SYCP2L: variants seen among roughly 807,000 people sequenced by gnomAD.
The protein encoded by SYCP2L is synaptonemal complex protein 2-like.
Under a neutral mutation model 125.8 loss-of-function variants are expected in SYCP2L, and 98 were observed. That is an observed-to-expected ratio of 0.78 (90% CI 0.66 to 0.92). The LOEUF (loss-of-function observed/expected upper bound fraction) is 0.92, where lower values mean the gene tolerates loss of function less well. Among genes scored for constraint, SYCP2L ranks in the 40% least tolerant of loss-of-function variants. The pLI is 0.00. For synonymous variants in SYCP2L, 317 were observed against 325.4 expected (o/e 0.97, Z 0.28); for missense variants, 842 against 936.4 (o/e 0.90, Z 1.32).
intron 21 of SYCP2L, among the ~76,000 whole-genome samples, chr6:10,936,986 TAA>T (rs1172207333): frequency 1.3e-5 from 2 of 152,150 alleles, no homozygotes; most frequent in Non-Finnish European, 2.9e-5. Context: ...AGCAATACAA[TAA>T]AAGAGTTCTT....
intron 17 of SYCP2L, among the ~76,000 whole-genome samples, chr6:10,928,009 TA>T (rs1174252489): frequency 1.3e-5 from 2 of 152,210 alleles, no homozygotes; most frequent in East Asian, 3.8e-4. Context: ...GGTCAGAGTT[TA>T]AGGTTATCTC....
At position 10,912,756 on chromosome 6, in the gene SYCP2L, C is replaced by G. The variant is rs761670676; in HGVS notation, c.1002C>G (p.Asp334Glu). 1.2e-6 allele frequency: 2 copies of G among 1,613,270 alleles called. No homozygotes were observed. Among genetic ancestry groups the G allele is most frequent in the Non-Finnish European group, 1.7e-6 (2 of 1,179,478 alleles). The change falls in exon 13 of 30, where the codon GAC (aspartate) becomes GAG (glutamate). Residue 334 changes from aspartate (D) to glutamate (E), a missense_variant. Coordinates refer to ENST00000283141, the MANE Select transcript of SYCP2L (RefSeq NM_001040274.3). This position sits in a 1 kb window ranked among gnomAD's most constrained non-coding sequence, Gnocchi z 4.1. Reference protein sequence around the residue: ...LGSQSVTFYIDNAENTLWDSV... With the variant: ...LGSQSVTFYIENAENTLWDSV... ...GTCAGAGTGTCACTTTTTATATAGA[C>G]AATGCTGAGGTAATGATGTTCGATT...
At chr6:10,926,198 C>A in intron 15 of SYCP2L, 141 bp from the exon 16 acceptor site, 1 of 636,784 alleles carries the variant, frequency 1.6e-6, no homozygotes, top group Non-Finnish European at 2.7e-6. Context: ...GTGGAATGAT[C>A]CTTCAGGAGA....
chr6:10,908,579 T>A (rs946248225), intron 10 of SYCP2L, among the ~76,000 whole-genome samples: 4 of 152,234 alleles, frequency 2.6e-5, no homozygotes, highest in South Asian at 2.1e-4. Context: ...AAAAAGTTTT[T>A]AAAATGAGGG....
intron 23 of SYCP2L, among the ~76,000 whole-genome samples, chr6:10,945,227 T>C (rs1239801996): frequency 2.0e-5 from 3 of 152,188 alleles, no homozygotes; most frequent in Non-Finnish European, 2.9e-5. Context: ...TTTAAAAATA[T>C]TAATTTGTGG....
rs200180690 is a variant in SYCP2L at position 10,910,126 on chromosome 6, GTT to G, written c.820-20_820-19del. Reference sequence around the variant, plus strand: ...ACATCTTGATTTTTTTTTAATAAAAGTTTATATCATTTGCTTTGAAGGACAGT... The same window carrying G: ...ACATCTTGATTTTTTTTTAATAAAAGTATATCATTTGCTTTGAAGGACAGT... On this transcript the variant is annotated intron_variant, in intron 10 of 29. Coordinates refer to ENST00000283141, the MANE Select transcript of SYCP2L (RefSeq NM_001040274.3). 1.0e-3 allele frequency: 1,639 copies of G among 1,607,028 alleles called. 14 individuals carry two copies. The African/African-American group carries it at 0.019, about 19-fold the overall frequency.
At chr6:10,949,053 A>T (rs1411631094) in intron 23 of SYCP2L, among the ~76,000 whole-genome samples, 2 of 152,092 alleles carry the variant, frequency 1.3e-5, no homozygotes, top group Non-Finnish European at 2.9e-5. Flanking sequence ...AAGTTTTACT[A>T]GAGGTCCACC....
intron 23 of SYCP2L, among the ~76,000 whole-genome samples, chr6:10,951,479 G>A (rs2876213): frequency 0.35 from 52,577 of 151,986 alleles, 10,194 homozygotes; most frequent in Non-Finnish European, 0.45. Flanking sequence ...TGCTTGATTC[G>A]CTATTTAAGC....
intron 21 of SYCP2L, among the ~76,000 whole-genome samples, chr6:10,941,419 T>C (rs1781217922): frequency 6.6e-6 from 1 of 152,122 alleles, no homozygotes; most frequent in Non-Finnish European, 1.5e-5. Context: ...AAAGGGCTAA[T>C]ATCCAGAATC....
rs1256952318 is a variant in SYCP2L, at chr6:10,956,236, A to G, written c.2157A>G (p.Lys719=). Residue 719 remains lysine (K), a synonymous_variant, in exon 25 of 30, where the codon AAA becomes AAG. Transcript: ENST00000283141. ...ACTTCACTAAAAAACGGAAAAGAAA[A>G]TATGAGGTAGTAGTCCACAAAACTT... ...FENFTKKRKR[K]YELRYRKRPF... is the part of the protein sequence containing the mutation. The G allele has an allele frequency of 6.2e-7, 1 of 1,611,608 alleles. No homozygotes were observed. The highest frequency in any genetic ancestry group is 1.1e-5 in the South Asian group (1 of 90,996).
At chr6:10,920,748 G>A (rs973294648) in intron 14 of SYCP2L, among the ~76,000 whole-genome samples, 14 of 149,024 alleles carry the variant, frequency 9.4e-5, no homozygotes, top group African/African-American at 3.5e-4. Context: ...GTACATGTGC[G>A]GGATGTACAG....
At chr6:10,904,065 T>G (rs1452131585) in intron 8 of SYCP2L, among the ~76,000 whole-genome samples, 2 of 152,184 alleles carry the variant, frequency 1.3e-5, no homozygotes, top group African/African-American at 4.8e-5. Context: ...TACTACTTGA[T>G]AGTTATTGTA....
rs1781071380 is a variant in SYCP2L, at chr6:10,935,202, G to T, written c.1813+15G>T. 1.2e-6 allele frequency: 2 copies of T among 1,608,150 alleles called. No homozygotes were observed. Among genetic ancestry groups the T allele is most frequent in the Non-Finnish European group, 1.7e-6 (2 of 1,178,604 alleles). ...CCAGAAAACAGGTACATGATTTTCT[G>T]TTGACTTACATAGGAAAAAATTTGT... On this transcript the variant is annotated intron_variant, in intron 21 of 29. Transcript: ENST00000283141.
chr6:10,938,862 T>C (rs1781157121), intron 21 of SYCP2L, among the ~76,000 whole-genome samples: 1 of 152,210 alleles, frequency 6.6e-6, no homozygotes, highest in African/African-American at 2.4e-5. Flanking sequence ...GGCTCATGCC[T>C]GTAATCCCAG....
Position 10,893,884 on chromosome 6 carries a change from G to A in SYCP2L, c.96G>A (p.Thr32=), listed in dbSNP as rs768569782. The change falls in exon 3 of 30, where the codon ACG becomes ACA. Residue 32 remains threonine (T), a synonymous_variant. Transcript: ENST00000283141. Reference sequence around the variant, plus strand: ...CTTTCCAGCTTCAATCACTTATTACGGATGCATTCCATGATAAAGGATTTC... The same window carrying A: ...CTTTCCAGCTTCAATCACTTATTACAGATGCATTCCATGATAAAGGATTTC... ...DDAFWLQSLI[T]DAFHDKGFQK... is the part of the protein sequence containing the mutation. 5.0e-6 allele frequency: 8 copies of A among 1,608,904 alleles called. No homozygotes were observed. In the East Asian group the frequency reaches 6.7e-5, roughly 13 times the overall value.
rs1456721554 is a variant in SYCP2L, at chr6:10,938,815, TAAGA to T, written c.1813+3635_1814-3634del. Among the ~76,000 whole-genome samples, 4 of 152,078 alleles carry T rather than the reference TAAGA, an allele frequency of 2.6e-5. 1 individual carries two copies. The highest frequency in any genetic ancestry group is 9.6e-5 in the African/African-American group (4 of 41,490). ...TTCTAGACACTAACAGTAAACTGTC[TAAGA>T]AAGAAATCAAGAAAATCTCAGCCAA... is the stretch of plus-strand genomic sequence containing the variant. On this transcript the variant is annotated intron_variant, in intron 21 of 29. Transcript: ENST00000283141.
chr6:10,958,577 T>A (rs1053997894), intron 25 of SYCP2L, among the ~76,000 whole-genome samples: 1 of 152,172 alleles, frequency 6.6e-6, no homozygotes, highest in Non-Finnish European at 1.5e-5. Flanking sequence ...AGTGTAAATT[T>A]TTCTATTTCA....
At chr6:10,924,430 G>T in intron 14 of SYCP2L, 66 bp from the exon 15 acceptor site, 1 of 1,316,060 alleles carries the variant, frequency 7.6e-7, no homozygotes. Flanking sequence ...TATTTAAAAT[G>T]ATAAAATTTT....
chr6:10,888,559 A>T (rs1581811701), intron 1 of SYCP2L, among the ~76,000 whole-genome samples: 1 of 152,184 alleles, frequency 6.6e-6, no homozygotes, highest in Non-Finnish European at 1.5e-5. Flanking sequence ...GAGTGGCTCC[A>T]GAAATTCCAG....
Sources: gnomAD v4.1 joint callset for allele counts (sites outside exome capture counted in the v4.1 genomes callset) on GRCh38, gnomAD v4.1.1 for gene constraint, Gnocchi (gnomAD v3.1) non-coding constraint, MANE v1.5 for transcripts, NCBI Gene and HGNC (gene_info 2026-07-23, HGNC 2026-07-21) for gene names.